Variants in FBXO10 observed in about 807,000 individuals in gnomAD.
The protein encoded by FBXO10 is F-box protein 10, also known as F-box only protein 10.
Under a neutral mutation model 80.7 loss-of-function variants are expected in FBXO10, and 39 were observed. That is an observed-to-expected ratio of 0.48 (90% CI 0.37 to 0.63). FBXO10 has a LOEUF of 0.63. Ranked by LOEUF, FBXO10 falls within the 30% of genes least tolerant of loss-of-function variation. The pLI, the probability that FBXO10 is intolerant of heterozygous loss-of-function variation, is 0.00. For synonymous variants in FBXO10, 449 were observed against 489.6 expected (o/e 0.92, Z 1.09); for missense variants, 1,025 against 1,269.0 (o/e 0.81, Z 2.92).
intron 1 of FBXO10, among the ~76,000 whole-genome samples, chr9:37,565,619 C>T (rs1441176588): frequency 2.0e-5 from 3 of 152,192 alleles, no homozygotes; most frequent in Non-Finnish European, 2.9e-5. Context: ...AACTGATGTG[C>T]ACCCTAAATT....
intron 7 of FBXO10, 137 bp downstream of exon 7, chr9:37,522,688 G>T: frequency 1.7e-6 from 2 of 1,175,972 alleles, no homozygotes; most frequent in Non-Finnish European, 2.3e-6. Context: ...GGGCCTGGGT[G>T]ACTGTGGCCT....
chr9:37,520,378 C>T (rs1405238043), intron 8 of FBXO10, among the ~76,000 whole-genome samples: 1 of 145,244 alleles, frequency 6.9e-6, no homozygotes, highest in African/African-American at 2.6e-5. Context: ...GAGCTCTGAG[C>T]ACCTAGAATA....
intron 5 of FBXO10, among the ~76,000 whole-genome samples, chr9:37,525,680 C>T (rs543795734): frequency 2.9e-4 from 44 of 152,096 alleles, no homozygotes; most frequent in African/African-American, 9.4e-4. Context: ...CTGGATTACA[C>T]GTGTGCGCCA....
intron 7 of FBXO10, chr9:37,522,346 T>C: frequency 1.0e-6 from 1 of 1,000,216 alleles, no homozygotes; most frequent in Non-Finnish European, 1.2e-6. Context: ...AGTAGAGAGG[T>C]GGGCCTGAGT....
chr9:37,551,785 A>C (rs979221105), intron 1 of FBXO10, among the ~76,000 whole-genome samples: 1 of 152,060 alleles, frequency 6.6e-6, no homozygotes, highest in Admixed American at 6.5e-5. Flanking sequence ...ACCAGAACTG[A>C]GAGTTTTTCA....
chr9:37,566,752 G>A (rs1374180688), intron 1 of FBXO10, among the ~76,000 whole-genome samples: 2 of 152,088 alleles, frequency 1.3e-5, no homozygotes, highest in Non-Finnish European at 2.9e-5. Flanking sequence ...ACACACCATC[G>A]GAAATGAGAC....
rs552186859 is a variant in FBXO10, at chr9:37,526,177, G to C, written c.1707-1005C>G. 3.3e-5 allele frequency among the ~76,000 whole-genome samples: 5 copies of C among 152,226 alleles called. No homozygotes were observed. The South Asian group carries it at 6.2e-4, about 19-fold the overall frequency. ...TCAGTGTACCAAGAGCCCAGGATGG[G>C]ATATTAACTGCAGATGAGCACAATT... is the stretch of plus-strand genomic sequence containing the variant. On this transcript the variant is annotated intron_variant, in intron 5 of 10. Transcript: ENST00000432825.
At chr9:37,566,512 T>C (rs1427872826) in intron 1 of FBXO10, among the ~76,000 whole-genome samples, 3 of 150,118 alleles carry the variant, frequency 2.0e-5, no homozygotes, top group Non-Finnish European at 4.4e-5. Context: ...CAGAACCCTA[T>C]TTAGTATTGA....
chr9:37,542,636 G>T lies in FBXO10; in HGVS notation c.-6-862C>A, dbSNP rs1199953067. ...AAGGATACGACTCCGGAACTGCCAG[G>T]TTCACCACCATGTGGAGGAAACCTT... On this transcript the variant is annotated intron_variant, in intron 1 of 10. Transcript: ENST00000432825. 2.0e-5 allele frequency among the ~76,000 whole-genome samples: 3 copies of T among 151,620 alleles called. No individual in the cohort carries two copies. The East Asian group carries it at 5.8e-4, about 29-fold the overall frequency.
intron 3 of FBXO10, among the ~76,000 whole-genome samples, chr9:37,534,562 C>T (rs576971041): frequency 1.9e-4 from 29 of 152,348 alleles, no homozygotes; most frequent in Admixed American, 8.5e-4. Flanking sequence ...ACTCAGCTAA[C>T]ATTTTCAATG....
chr9:37,542,632 C>T (rs2119130741), intron 1 of FBXO10, among the ~76,000 whole-genome samples: 1 of 150,586 alleles, frequency 6.6e-6, no homozygotes, highest in South Asian at 2.1e-4. Context: ...TCCGGAACTG[C>T]CAGGTTCACC....
intron 2 of FBXO10, among the ~76,000 whole-genome samples, chr9:37,538,533 C>T (rs1821835024): frequency 6.6e-6 from 1 of 152,044 alleles, no homozygotes; most frequent in African/African-American, 2.4e-5. Context: ...CATGGTGAAA[C>T]CTCATCTCCA....
At position 37,537,388 on chromosome 9, in the gene FBXO10, G is replaced by T; in HGVS notation, c.1141C>A (p.Pro381Thr). ...AATGAGCCCCCCAATACAGGGCGTG[G>T]GCCCTGCACTTGGTAGGATAGTCTG... Reference protein sequence around the residue: ...MYRLSYQVQGPRPVLGGSFLG... With the variant: ...MYRLSYQVQGTRPVLGGSFLG... Residue 381 changes from proline to threonine, a missense_variant, in exon 3 of 11, where the codon CCA becomes ACA. This residue lies in a region of FBXO10 where 450 missense variants were observed against 499.4 expected (regional missense o/e 0.90). Transcript: ENST00000432825. 1.9e-6 allele frequency: 3 copies of T among 1,596,712 alleles called. No individual in the cohort carries two copies. Among genetic ancestry groups the T allele is most frequent in the Non-Finnish European group, 2.6e-6 (3 of 1,171,240 alleles).
At chr9:37,518,103 A>G in intron 9 of FBXO10, 22 bp downstream of exon 9, 1 of 1,594,144 alleles carries the variant, frequency 6.3e-7, no homozygotes, top group Admixed American at 1.7e-5. Flanking sequence ...ACCACACGTC[A>G]CACACATGCA....
intron 1 of FBXO10, among the ~76,000 whole-genome samples, chr9:37,569,966 A>G (rs1822707048): frequency 6.6e-6 from 1 of 152,266 alleles, no homozygotes; most frequent in Non-Finnish European, 1.5e-5. Context: ...TATAATATCT[A>G]TTGGTTAAAG....
intron 1 of FBXO10, among the ~76,000 whole-genome samples, chr9:37,543,918 T>G (rs1278576825): frequency 1.3e-5 from 2 of 152,130 alleles, no homozygotes; most frequent in African/African-American, 4.8e-5. Context: ...TTACTTGAGG[T>G]CAGGAGTTCC....
chr9:37,554,888 G>A (rs6476638), intron 1 of FBXO10, among the ~76,000 whole-genome samples: 25,017 of 152,118 alleles, frequency 0.16, 2,174 homozygotes, highest in Middle Eastern at 0.25. Context: ...TATGGATAAT[G>A]CTGCTGTGAA....
intron 1 of FBXO10, among the ~76,000 whole-genome samples, chr9:37,552,816 T>C (rs142951888): frequency 1.2e-3 from 186 of 151,628 alleles, no homozygotes; most frequent in Middle Eastern, 3.4e-3. Flanking sequence ...TGGTGGAAGG[T>C]AGAAAAGCAA....
At position 37,551,401 on chromosome 9, in the gene FBXO10, T is replaced by G. The variant is rs1014619824; in HGVS notation, c.-6-9627A>C. ...AAGACTCCACTAGGTAATGCCCAAA[T>G]AGGGGCTCCCTGCAGCATCCTTTGA... On this transcript the variant is annotated intron_variant, in intron 1 of 10. Transcript: ENST00000432825. Among the ~76,000 whole-genome samples the G allele has an allele frequency of 2.6e-5, 4 of 152,314 alleles. No individual in the cohort carries two copies. In the South Asian group the frequency reaches 6.2e-4, roughly 24 times the overall value.
Sources: gnomAD v4.1 joint callset for allele counts (sites outside exome capture counted in the v4.1 genomes callset) on GRCh38, gnomAD v4.1.1 for gene constraint, gnomAD v4.1.1 regional missense constraint, MANE v1.5 for transcripts, NCBI Gene and HGNC (gene_info 2026-07-23, HGNC 2026-07-21) for gene names.